Variants in FRMD4B observed in about 807,000 individuals in gnomAD.
The protein encoded by FRMD4B is FERM domain-containing protein 4B.
FRMD4B carries 74 observed loss-of-function variants against 141.5 expected under a neutral mutation model. The ratio of observed to expected loss-of-function variants is 0.52; its 90% CI spans 0.43 to 0.63. FRMD4B has a LOEUF of 0.63. Ranked by LOEUF, FRMD4B falls within the 30% of genes least tolerant of loss-of-function variation. The pLI, the probability that FRMD4B is intolerant of heterozygous loss-of-function variation, is 0.00. For synonymous variants in FRMD4B, 506 were observed against 467.9 expected (o/e 1.08, Z -1.05); for missense variants, 1,366 against 1,253.4 (o/e 1.09, Z -1.36).
chr3:69,269,259 G>A (rs1379129824), intron 5 of FRMD4B, among the ~76,000 whole-genome samples: 1 of 151,690 alleles, frequency 6.6e-6, no homozygotes, highest in Non-Finnish European at 1.5e-5. Flanking sequence ...GTCCTCCTGG[G>A]AATTTTGGAA....
Position 69,386,039 on chromosome 3 carries a change from C to A in FRMD4B, c.-50G>T. On this transcript the variant is annotated 5_prime_UTR_variant, in exon 1 of 23. Transcript: ENST00000398540. ...GGCGTCCCGGCTCTCGTACGTGCAG[C>A]CCCGACCCCAGCGGCCTGCCCGCCT... 2.8e-6 allele frequency: 4 copies of A among 1,423,712 alleles called. No homozygotes were observed. The highest frequency in any genetic ancestry group is 3.7e-6 in the Non-Finnish European group (4 of 1,074,378). 88.2% of individuals were successfully genotyped at this position (1,423,712 alleles called of 1,614,324 possible). A position where few individuals can be genotyped will look rare whatever the true frequency, so the allele number is the denominator to read the frequency against.
chr3:69,249,948 A>G (rs2106780838), intron 6 of FRMD4B, 95 bp downstream of exon 6: 1 of 804,436 alleles, frequency 1.2e-6, no homozygotes, highest in Admixed American at 2.0e-5. Context: ...AAATCCAACA[A>G]ACACTGGCCC....
chr3:69,464,844 G>A (rs1255849370), intron 1 of FRMD4B, among the ~76,000 whole-genome samples: 3 of 152,058 alleles, frequency 2.0e-5, no homozygotes, highest in Admixed American at 6.6e-5. Flanking sequence ...ATTACAACAC[G>A]GCAATGAAAT....
chr3:69,378,657 C>T lies in FRMD4B; in HGVS notation c.162+7171G>A, dbSNP rs114284992. Among the ~76,000 whole-genome samples, 483 of 152,284 alleles carry T rather than the reference C, an allele frequency of 3.2e-3. 1 individual carries two copies. Among genetic ancestry groups the T allele is most frequent in the African/African-American group, 0.011 (471 of 41,546 alleles). On this transcript the variant is annotated intron_variant, in intron 1 of 22. Transcript: ENST00000398540. ...ATACTTCCCAAGTCTATCCGCCTCA[C>T]GGCTGCCAGTGGTATTTCTAAATCA...
At chr3:69,250,726 C>CTTTTT (rs543092302) in intron 5 of FRMD4B, among the ~76,000 whole-genome samples, 81 of 134,378 alleles carry the variant, frequency 6.0e-4, no homozygotes, top group African/African-American at 2.2e-3. Flanking sequence ...ATCAGTTTTC[C>CTTTTT]TTTTTTTTTT....
chr3:69,346,911 A>G (rs917490130), intron 1 of FRMD4B, among the ~76,000 whole-genome samples: 1 of 152,236 alleles, frequency 6.6e-6, no homozygotes, highest in African/African-American at 2.4e-5. Flanking sequence ...GGCTAGGAAG[A>G]AACTGCATCA....
At chr3:69,281,837 A>AT (rs56836470) in intron 5 of FRMD4B, among the ~76,000 whole-genome samples, 3,532 of 39,042 alleles carry the variant, frequency 0.09, 110 homozygotes, top group African/African-American at 0.16. Flanking sequence ...AAAAAAAAAA[A>AT]AATATATATA....
intron 2 of FRMD4B, among the ~76,000 whole-genome samples, chr3:69,393,237 T>G (rs1224944909): frequency 6.6e-6 from 1 of 151,864 alleles, no homozygotes; most frequent in African/African-American, 2.4e-5. Context: ...AAGCAAAACT[T>G]TCTCATTTCC....
At chr3:69,401,393 G>A (rs1704561318) in intron 2 of FRMD4B, among the ~76,000 whole-genome samples, 1 of 152,168 alleles carries the variant, frequency 6.6e-6, no homozygotes, top group South Asian at 2.1e-4. Flanking sequence ...TTATCTTAAA[G>A]ATTCCTGAAG....
At chr3:69,461,203 T>C (rs544861807) in intron 1 of FRMD4B, among the ~76,000 whole-genome samples, 1 of 152,246 alleles carries the variant, frequency 6.6e-6, no homozygotes, top group African/African-American at 2.4e-5. Context: ...TAATATTATC[T>C]CTTTTAGGCA....
chr3:69,540,993 G>A (rs949188890), intron 1 of FRMD4B, among the ~76,000 whole-genome samples: 13 of 152,144 alleles, frequency 8.5e-5, no homozygotes, highest in African/African-American at 2.7e-4. Context: ...GCGTCTTGAT[G>A]AGGTTAAGTA....
intron 19 of FRMD4B, among the ~76,000 whole-genome samples, chr3:69,185,676 G>A (rs1200064431): frequency 6.6e-6 from 1 of 152,122 alleles, no homozygotes; most frequent in Non-Finnish European, 1.5e-5. Context: ...AACACTATCA[G>A]GGTTGTCGTG....
intron 1 of FRMD4B, among the ~76,000 whole-genome samples, chr3:69,511,469 C>G (rs1486149507): frequency 6.6e-6 from 1 of 152,102 alleles, no homozygotes; most frequent in Non-Finnish European, 1.5e-5. Context: ...TATAATCACA[C>G]ATGCATGTAT....
intron 1 of FRMD4B, among the ~76,000 whole-genome samples, chr3:69,461,166 T>C (rs552795480): frequency 1.3e-4 from 20 of 152,358 alleles, no homozygotes; most frequent in African/African-American, 4.8e-4. Context: ...AATGACATTT[T>C]CATTGTTAAG....
intron 13 of FRMD4B, 136 bp downstream of exon 13, chr3:69,196,764 A>T (rs955459173): frequency 7.6e-6 from 5 of 654,164 alleles, no homozygotes; most frequent in Non-Finnish European, 1.3e-5. Context: ...AAAAACCTGA[A>T]ATAGTTGGAA....
rs1402377729 is a variant in FRMD4B, at chr3:69,283,676, C to A, written c.501+4076G>T. 2.0e-5 allele frequency among the ~76,000 whole-genome samples: 3 copies of A among 152,180 alleles called. No homozygotes were observed. In the East Asian group the frequency reaches 5.8e-4, roughly 29 times the overall value. ...TATTACAAGGAGCGATTGTATGTCT[C>A]CACATAGGAGAGGATAGCCAACTGT... On this transcript the variant is annotated intron_variant, in intron 5 of 22. Transcript: ENST00000398540.
intron 1 of FRMD4B, among the ~76,000 whole-genome samples, chr3:69,350,723 G>T (rs932908326): frequency 3.3e-5 from 5 of 151,470 alleles, no homozygotes; most frequent in Non-Finnish European, 5.9e-5. Context: ...CTATCGCAAG[G>T]ACAAATAACC....
intron 1 of FRMD4B, among the ~76,000 whole-genome samples, chr3:69,496,937 A>G (rs1404170136): frequency 6.6e-6 from 1 of 151,968 alleles, no homozygotes; most frequent in African/African-American, 2.4e-5. Flanking sequence ...TCTTCTCCCA[A>G]TAACAGCTTG....
intron 10 of FRMD4B, among the ~76,000 whole-genome samples, chr3:69,217,297 T>C (rs1467960655): frequency 6.6e-6 from 1 of 152,204 alleles, no homozygotes; most frequent in Non-Finnish European, 1.5e-5. Flanking sequence ...GACAGATACC[T>C]ATATGCACAC....
Sources: allele counts gnomAD v4.1 joint callset (sites outside exome capture counted in the v4.1 genomes callset), GRCh38; gene constraint gnomAD v4.1.1; transcripts MANE v1.5; gene names NCBI Gene and HGNC (gene_info 2026-07-23, HGNC 2026-07-21).